Variants in TEK observed in about 807,000 individuals in gnomAD.
TEK encodes the protein angiopoietin-1 receptor.
A neutral mutation model predicts 131.8 loss-of-function variants in TEK; 43 were observed. That is an observed-to-expected ratio of 0.33 (90% confidence interval 0.26 to 0.42). The LOEUF (loss-of-function observed/expected upper bound fraction) is 0.42, where lower values mean the gene tolerates loss of function less well. TEK is among the 10% of genes least tolerant of loss of function. The pLI is 1.00. For synonymous variants in TEK, 580 were observed against 491.6 expected, an observed-to-expected ratio of 1.18 and a Z score of -2.38; for missense variants, 1,162 against 1,384.4, an observed-to-expected ratio of 0.84 and a Z score of 2.55.
intron 6 of TEK, among the ~76,000 whole-genome samples, chr9:27,179,885 G>A (rs776620446): frequency 9.2e-5 from 14 of 152,096 alleles, no homozygotes; most frequent in Non-Finnish European, 1.5e-4. Context: ...TAACAGTTAG[G>A]CTAAAAGCTG....
rs554510515 is a variant in TEK, at chr9:27,146,886, C to T, written c.53-10945C>T. ...CTGGGACTACAGGTGCCCACCACCA[C>T]GCCCGGCTAATTTTTTGTATTTTTA... On this transcript the variant is annotated intron_variant, in intron 1 of 22. Coordinates refer to ENST00000380036, the MANE Select transcript of TEK (RefSeq NM_000459.5). Among the ~76,000 whole-genome samples, 33 of 151,972 alleles carry T rather than the reference C, an allele frequency of 2.2e-4. No homozygotes were observed. In the East Asian group the frequency reaches 5.6e-3, roughly 26 times the overall value.
chr9:27,152,335 G>T (rs1823156083), intron 1 of TEK, among the ~76,000 whole-genome samples: 1 of 151,788 alleles, frequency 6.6e-6, no homozygotes, highest in South Asian at 2.1e-4. Flanking sequence ...CTCCTAGCTT[G>T]CCAACACTTC....
chr9:27,202,607 T>C (rs1469723955), intron 12 of TEK, among the ~76,000 whole-genome samples: 1 of 152,224 alleles, frequency 6.6e-6, no homozygotes, highest in African/African-American at 2.4e-5. Context: ...AGTGTCAAGA[T>C]GACAGATAGA....
intron 8 of TEK, among the ~76,000 whole-genome samples, chr9:27,184,941 T>TG (rs1324885361): frequency 1.3e-5 from 2 of 151,468 alleles, no homozygotes; most frequent in Non-Finnish European, 2.9e-5. Context: ...TTGGGTGAGG[T>TG]GGGGGGATCA....
At chr9:27,152,090 C>A (rs1810294048) in intron 1 of TEK, among the ~76,000 whole-genome samples, 1 of 152,126 alleles carries the variant, frequency 6.6e-6, no homozygotes, top group African/African-American at 2.4e-5. Context: ...CTTTAAGATA[C>A]CTACTTCTGT....
In TEK at chr9:27,109,744, G is replaced by C. The variant is rs1022941230; in HGVS notation, c.52+102G>C. Reference sequence around the variant, plus strand: ...TCTCATCAGTGCTGATGAACAAGGGGTGGCTGTAGCAAAGGCACCATTTCT... The same window carrying C: ...TCTCATCAGTGCTGATGAACAAGGGCTGGCTGTAGCAAAGGCACCATTTCT... On this transcript the variant is annotated intron_variant, in intron 1 of 22. Transcript: ENST00000380036. 3 of 1,193,152 alleles carry C rather than the reference G, an allele frequency of 2.5e-6. No individual in the cohort carries two copies. The African/African-American group carries it at 4.6e-5, about 18-fold the overall frequency. The allele number at this position is 1,193,152 out of a possible 1,614,324, so 73.9% of individuals were successfully genotyped here. A position where few individuals can be genotyped will look rare whatever the true frequency, so the allele number is the denominator to read the frequency against.
chr9:27,165,034 A>G (rs867416243), intron 2 of TEK, among the ~76,000 whole-genome samples: 22 of 152,238 alleles, frequency 1.4e-4, no homozygotes, highest in African/African-American at 3.9e-4. Flanking sequence ...AGTACTCAAC[A>G]GAGAGCAATC....
chr9:27,219,079 TTAACTTC>T (rs1171124227), intron 20 of TEK, among the ~76,000 whole-genome samples: 1 of 146,836 alleles, frequency 6.8e-6, no homozygotes, highest in Non-Finnish European at 1.5e-5. Flanking sequence ...AGTTGCCAGG[TTAACTTC>T]TAAAACTCTT....
chr9:27,215,260 C>A (rs1420033197), intron 18 of TEK, among the ~76,000 whole-genome samples: 5 of 152,080 alleles, frequency 3.3e-5, no homozygotes, highest in African/African-American at 1.2e-4. Flanking sequence ...TTACAATAGA[C>A]TAAACAGGGT....
At chr9:27,145,429 G>T (rs930054203) in intron 1 of TEK, among the ~76,000 whole-genome samples, 1 of 152,144 alleles carries the variant, frequency 6.6e-6, no homozygotes, top group African/African-American at 2.4e-5. Flanking sequence ...GCTCCAAGAT[G>T]ACTTTAAAAA....
At chr9:27,188,007 CA>C (rs1164419151) in intron 9 of TEK, among the ~76,000 whole-genome samples, 1 of 151,984 alleles carries the variant, frequency 6.6e-6, no homozygotes, top group African/African-American at 2.4e-5. Flanking sequence ...CAATTTAGCC[CA>C]TAAAATCATG....
chr9:27,215,360 C>G (rs1366794801), intron 18 of TEK, among the ~76,000 whole-genome samples: 1 of 152,112 alleles, frequency 6.6e-6, no homozygotes, highest in Non-Finnish European at 1.5e-5. Flanking sequence ...GGAGCAAGTT[C>G]CCTGCAAGAA....
chr9:27,221,805 GA>G (rs1826095247), intron 21 of TEK, among the ~76,000 whole-genome samples: 2 of 152,176 alleles, frequency 1.3e-5, no homozygotes, highest in South Asian at 4.1e-4. Flanking sequence ...CAAAACCGCT[GA>G]AAATTCCAAA....
In TEK at chr9:27,212,933, T is replaced by G. The variant is rs952219661; in HGVS notation, c.2877+36T>G. The G allele has an allele frequency of 6.2e-6, 10 of 1,606,256 alleles. No individual in the cohort carries two copies. In the African/African-American group the frequency reaches 1.1e-4, roughly 17 times the overall value. On this transcript the variant is annotated intron_variant, in intron 17 of 22. Coordinates refer to ENST00000380036, the MANE Select transcript of TEK (RefSeq NM_000459.5). Reference sequence around the variant, plus strand: ...AGGACTTCGCTTTGGATATCTTTCCTGTGGAGTTCCCTCTAAAGTCAGTTT... The same window carrying G: ...AGGACTTCGCTTTGGATATCTTTCCGGTGGAGTTCCCTCTAAAGTCAGTTT...
chr9:27,210,471 G>C lies in TEK; in HGVS notation c.2686+1240G>C, dbSNP rs184767303. 6 of 193,994 alleles carry C rather than the reference G, an allele frequency of 3.1e-5. No individual in the cohort carries two copies. The East Asian group carries it at 6.3e-4, about 20-fold the overall frequency. The allele number at this position is 193,994 out of a possible 1,614,324, so 12.0% of individuals were successfully genotyped here. A position where few individuals can be genotyped will look rare whatever the true frequency, so the allele number is the denominator to read the frequency against. On this transcript the variant is annotated intron_variant, in intron 16 of 22. Coordinates refer to ENST00000380036, the MANE Select transcript of TEK (RefSeq NM_000459.5). Reference sequence around the variant, plus strand: ...TGGCCGTGGTGGACAGACTAAACCAGTTTTCTGGAAAAAGGCTAAAACTAC... The same window carrying C: ...TGGCCGTGGTGGACAGACTAAACCACTTTTCTGGAAAAAGGCTAAAACTAC...
Position 27,220,062 on chromosome 9 carries a change from CT to C in TEK, c.3118del (p.Cys1040AlafsTer3). The C allele has an allele frequency of 6.2e-7, 1 of 1,614,104 alleles. No homozygotes were observed. The highest frequency in any genetic ancestry group is 1.7e-5 in the Admixed American group (1 of 60,034). ...EIVSLGGTPY[C>X]GMTCAELYEK... ...TTTGTCTTCCAGGAGGCACACCCTA[CT>C]GCGGGATGACTTGTGCAGAACTCTA... On this transcript the variant is annotated frameshift_variant, in exon 21 of 23. Transcript: ENST00000380036. LOFTEE classifies it high-confidence loss of function.
In TEK at chr9:27,211,795, T is replaced by TA. The variant is rs989778505; in HGVS notation, c.2687-907dup. Among the ~76,000 whole-genome samples, 4 of 152,018 alleles carry TA rather than the reference T, an allele frequency of 2.6e-5. 1 individual carries two copies. Among genetic ancestry groups the TA allele is most frequent in the African/African-American group, 9.7e-5 (4 of 41,376 alleles). The stretch of plus-strand genomic sequence containing the variant: ...TCAAGTTCTAATTCATACATCATTT[T>TA]AAAAACATGGTTTGCCCAAAAAATT... On this transcript the variant is annotated intron_variant, in intron 16 of 22. Coordinates refer to ENST00000380036, the MANE Select transcript of TEK (RefSeq NM_000459.5).
At position 27,217,684 on chromosome 9, in the gene TEK, C is replaced by T. The variant is rs1825868709; in HGVS notation, c.2992-4C>T. The T allele has an allele frequency of 1.9e-6, 3 of 1,613,476 alleles. No individual in the cohort carries two copies. Among genetic ancestry groups the T allele is most frequent in the South Asian group, 1.1e-5 (1 of 91,066 alleles). On this transcript the variant is annotated splice_region_variant and splice_polypyrimidine_tract_variant and intron_variant, in intron 18 of 22. Transcript: ENST00000380036. ...TAAGTGAAATCTCACTTTGTTCTCTCCAGGGAAGGCTCCCAGTGCGCTGGA... is the reference window on the plus strand; with the variant it reads ...TAAGTGAAATCTCACTTTGTTCTCTTCAGGGAAGGCTCCCAGTGCGCTGGA...
chr9:27,144,326 G>A (rs909699336), intron 1 of TEK, among the ~76,000 whole-genome samples: 3 of 152,220 alleles, frequency 2.0e-5, no homozygotes, highest in East Asian at 1.9e-4. Context: ...TAGCTCATGC[G>A]AAGATGCTAT....
Sources: gnomAD v4.1 joint callset for allele counts (sites outside exome capture counted in the v4.1 genomes callset) on GRCh38, gnomAD v4.1.1 for gene constraint, MANE v1.5 for transcripts, NCBI Gene and HGNC (gene_info 2026-07-23, HGNC 2026-07-21) for gene names.